FBRSL1: variants seen among roughly 807,000 people sequenced by gnomAD.
FBRSL1 encodes the protein fibrosin-1-like protein.
A neutral mutation model predicts 89.6 loss-of-function variants in FBRSL1; 51 were observed. The ratio of observed to expected loss-of-function variants is 0.57; its 90% confidence interval spans 0.45 to 0.72. The LOEUF (loss-of-function observed/expected upper bound fraction) is 0.72. Ranked by LOEUF, FBRSL1 falls within the 30% of genes least tolerant of loss-of-function variation. The probability of loss-of-function intolerance (pLI) is 0.00; values close to 1 mark genes in which losing one functional copy is unlikely to be tolerated. For synonymous variants in FBRSL1, 779 were observed against 681.1 expected (o/e 1.14, Z -2.24); for missense variants, 1,618 against 1,451.8 (o/e 1.11, Z -1.86).
intron 5 of FBRSL1, chr12:132,565,532 T>TGTATACGTACCCGAGTGTGCTCAC (rs2039547180): frequency 6.6e-6 from 1 of 151,514 alleles, no homozygotes; most frequent in African/African-American, 2.4e-5. Flanking sequence ...AGTGTGCTCA[T>TGTATACGTACCCGAGTGTGCTCAC]GTACACGTAC....
intron 5 of FBRSL1, among the ~76,000 whole-genome samples, chr12:132,548,338 C>G (rs2037870022): frequency 6.6e-6 from 1 of 152,180 alleles, no homozygotes; most frequent in African/African-American, 2.4e-5. Context: ...TCGAGCACAT[C>G]AGCTCCAGCT....
At position 132,525,727 on chromosome 12, in the gene FBRSL1, G is replaced by A. The variant is rs1368137030; in HGVS notation, c.490-7G>A. The A allele has an allele frequency of 6.5e-7, 1 of 1,547,762 alleles. No individual in the cohort carries two copies. Among genetic ancestry groups the A allele is most frequent in the Non-Finnish European group, 8.7e-7 (1 of 1,144,546 alleles). On this transcript the variant is annotated splice_polypyrimidine_tract_variant and splice_region_variant and intron_variant, in intron 2 of 18. Coordinates refer to ENST00000680143, the MANE Select transcript of FBRSL1 (RefSeq NM_001367871.1). ...TTTGCCTGAGACAGTGTCTCTCTCTGTCCCAGATGAAGGTCACCGTGTCCA... is the reference window on the plus strand; with the variant it reads ...TTTGCCTGAGACAGTGTCTCTCTCTATCCCAGATGAAGGTCACCGTGTCCA...
At chr12:132,551,497 G>A in intron 5 of FBRSL1, 1 of 456,320 alleles carries the variant, frequency 2.2e-6, no homozygotes, top group Non-Finnish European at 4.4e-6. Flanking sequence ...TGGTGGGGAG[G>A]GCGCGGGCGC....
chr12:132,522,614 G>A (rs1194764154), intron 2 of FBRSL1, among the ~76,000 whole-genome samples: 2 of 152,342 alleles, frequency 1.3e-5, no homozygotes, highest in East Asian at 3.9e-4. Context: ...CACAGAAACT[G>A]ACAGGCGCTC....
intron 2 of FBRSL1, among the ~76,000 whole-genome samples, chr12:132,520,449 G>A (rs932886327): frequency 1.3e-5 from 2 of 152,206 alleles, no homozygotes; most frequent in Admixed American, 1.3e-4. Context: ...CACCTTAGGA[G>A]TACAAGTTCT....
intron 15 of FBRSL1, among the ~76,000 whole-genome samples, chr12:132,579,068 T>C (rs1314879340): frequency 6.7e-6 from 1 of 149,546 alleles, no homozygotes; most frequent in Non-Finnish European, 1.5e-5. Context: ...TTCCCTCCTC[T>C]GGATACCTGG....
chr12:132,534,790 C>G (rs1420298909), intron 4 of FBRSL1, among the ~76,000 whole-genome samples: 1 of 152,220 alleles, frequency 6.6e-6, no homozygotes, highest in Non-Finnish European at 1.5e-5. Context: ...AGAGCCTTAG[C>G]CAGGCTGGCA....
chr12:132,546,508 C>T lies in FBRSL1; in HGVS notation c.616-1495C>T, dbSNP rs572779564. Reference sequence around the variant, plus strand: ...CTTGGCCACGGCTGAAAGGCCAGACCGGGGGGACCCTAGGAGAGGGCTTGG... The same window carrying T: ...CTTGGCCACGGCTGAAAGGCCAGACTGGGGGGACCCTAGGAGAGGGCTTGG... On this transcript the variant is annotated intron_variant, in intron 4 of 18. Coordinates refer to ENST00000680143, the MANE Select transcript of FBRSL1 (RefSeq NM_001367871.1). This position sits in a 1 kb window ranked among gnomAD's most constrained non-coding sequence, Gnocchi z 4.0. Among the ~76,000 whole-genome samples, 58 of 150,504 alleles carry T rather than the reference C, an allele frequency of 3.9e-4. No individual in the cohort carries two copies. Among genetic ancestry groups the T allele is most frequent in the Middle Eastern group, 3.4e-3 (1 of 292 alleles).
chr12:132,555,651 G>A (rs1017069517), intron 5 of FBRSL1, among the ~76,000 whole-genome samples: 10 of 152,206 alleles, frequency 6.6e-5, no homozygotes, highest in African/African-American at 1.7e-4. Context: ...GATCCTTCCT[G>A]CCTCTTCCCA....
At chr12:132,518,152 G>T (rs554216840) in intron 2 of FBRSL1, among the ~76,000 whole-genome samples, 22 of 152,266 alleles carry the variant, frequency 1.4e-4, no homozygotes, top group African/African-American at 5.1e-4. Context: ...CCAAGAGCCT[G>T]CTGGCAACGC....
chr12:132,523,003 C>T (rs1593332531), intron 2 of FBRSL1, among the ~76,000 whole-genome samples: 2 of 152,190 alleles, frequency 1.3e-5, no homozygotes, highest in African/African-American at 2.4e-5. Flanking sequence ...CCATAAGCAT[C>T]GGTTGGACGG....
At chr12:132,550,308 G>A (rs1200562682) in intron 5 of FBRSL1, among the ~76,000 whole-genome samples, 2 of 144,826 alleles carry the variant, frequency 1.4e-5, no homozygotes, top group Non-Finnish European at 3.0e-5. Flanking sequence ...AGAGCAGAGA[G>A]GCCTGGCGGG....
intron 1 of FBRSL1, among the ~76,000 whole-genome samples, chr12:132,505,416 C>T (rs748956704): frequency 1.2e-4 from 19 of 152,184 alleles, no homozygotes; most frequent in Admixed American, 3.9e-4. Flanking sequence ...ACGCACTGTC[C>T]CTCAGTCCCT....
At chr12:132,578,614 G>A (rs2040540427) in intron 15 of FBRSL1, among the ~76,000 whole-genome samples, 1 of 152,120 alleles carries the variant, frequency 6.6e-6, no homozygotes, top group Admixed American at 6.6e-5. Flanking sequence ...ACAGGCACAG[G>A]CACACACATG....
At chr12:132,519,847 G>A (rs987133539) in intron 2 of FBRSL1, among the ~76,000 whole-genome samples, 1 of 148,202 alleles carries the variant, frequency 6.7e-6, no homozygotes, top group Non-Finnish European at 1.5e-5. Context: ...GGCAGAGGTT[G>A]CAGTGAGCCA....
Position 132,574,992 on chromosome 12 carries a change from TGAGGAA to T in FBRSL1, c.1701+430_1701+435del, listed in dbSNP as rs1384124014. On this transcript the variant is annotated intron_variant, in intron 14 of 18. Transcript: ENST00000680143. ...ACAACTGATGTGCACCTGGGAAGGC[TGAGGAA>T]GGCGGGAGCCCCGCGGGCAGCTCGG... Among the ~76,000 whole-genome samples, 527 of 152,018 alleles carry T rather than the reference TGAGGAA, an allele frequency of 3.5e-3. 3 individuals carry two copies. Among genetic ancestry groups the T allele is most frequent in the African/African-American group, 0.012 (493 of 41,496 alleles).
intron 1 of FBRSL1, among the ~76,000 whole-genome samples, chr12:132,504,822 T>C (rs1307473316): frequency 6.6e-6 from 1 of 152,150 alleles, no homozygotes; most frequent in Non-Finnish European, 1.5e-5. Flanking sequence ...GGGTCCTGTT[T>C]GTGTGGATTA....
chr12:132,539,252 G>T (rs2137158768), intron 4 of FBRSL1, among the ~76,000 whole-genome samples: 1 of 152,194 alleles, frequency 6.6e-6, no homozygotes, highest in South Asian at 2.1e-4. Flanking sequence ...ATCAGGGTCA[G>T]AGAGGGAGGA....
At chr12:132,524,756 G>A (rs2035645100) in intron 2 of FBRSL1, among the ~76,000 whole-genome samples, 2 of 152,222 alleles carry the variant, frequency 1.3e-5, no homozygotes, top group Admixed American at 6.5e-5. Context: ...GGCGCTGGCT[G>A]TGCAGGGGCG....
Sources: gnomAD v4.1 joint callset for allele counts (sites outside exome capture counted in the v4.1 genomes callset) on GRCh38, gnomAD v4.1.1 for gene constraint, Gnocchi (gnomAD v3.1) non-coding constraint, MANE v1.5 for transcripts, NCBI Gene and HGNC (gene_info 2026-07-23, HGNC 2026-07-21) for gene names.